The following GMDS variants were observed in gnomAD, a reference collection of about 807,000 sequenced individuals.
The protein encoded by GMDS is GDP-mannose 4,6-dehydratase, also known as GDP-mannose 4,6 dehydratase.
Under a neutral mutation model 49.9 loss-of-function variants are expected in GMDS, and 20 were observed. That is an observed-to-expected ratio of 0.40 (90% CI 0.28 to 0.58). The LOEUF (loss-of-function observed/expected upper bound fraction) is 0.58, where lower values mean the gene tolerates loss of function less well. GMDS is among the 20% of genes least tolerant of loss of function. The probability of loss-of-function intolerance (pLI) is 0.42; values close to 1 mark genes in which losing one functional copy is unlikely to be tolerated. For synonymous variants in GMDS, 177 were observed against 178.6 expected (o/e 0.99, Z 0.07); for missense variants, 362 against 481.4 (o/e 0.75, Z 2.32).
intron 1 of GMDS, among the ~76,000 whole-genome samples, chr6:2,213,141 A>G (rs548827238): frequency 1.2e-3 from 188 of 152,348 alleles, no homozygotes; most frequent in Non-Finnish European, 2.1e-3. Flanking sequence ...TAGAAATCAT[A>G]AAACTGTAAT....
chr6:1,897,893 A>G (rs924576357), intron 7 of GMDS, among the ~76,000 whole-genome samples: 2 of 152,158 alleles, frequency 1.3e-5, no homozygotes, highest in Admixed American at 1.3e-4. Flanking sequence ...TTATCTAATG[A>G]GTCCCACAGG....
At chr6:1,809,140 C>A (rs896611676) in intron 7 of GMDS, among the ~76,000 whole-genome samples, 1 of 152,124 alleles carries the variant, frequency 6.6e-6, no homozygotes, top group Non-Finnish European at 1.5e-5. Flanking sequence ...GTTTTTTCAA[C>A]ATAAATTCAT....
At chr6:1,749,952 C>T (rs1056283742) in intron 7 of GMDS, among the ~76,000 whole-genome samples, 2 of 152,178 alleles carry the variant, frequency 1.3e-5, no homozygotes, top group African/African-American at 4.8e-5. Context: ...CAGCTTCAGC[C>T]TTCCAAGTAG....
intron 9 of GMDS, among the ~76,000 whole-genome samples, chr6:1,692,261 G>A (rs950126033): frequency 1.1e-4 from 16 of 152,308 alleles, no homozygotes; most frequent in African/African-American, 2.2e-4. Context: ...TTTGGGACTC[G>A]GACTGGCTTC....
chr6:1,999,633 A>G (rs1021178774), intron 4 of GMDS, among the ~76,000 whole-genome samples: 10 of 151,438 alleles, frequency 6.6e-5, no homozygotes. Context: ...TAAAAAAATT[A>G]GATCCATTAG....
intron 7 of GMDS, among the ~76,000 whole-genome samples, chr6:1,917,306 T>C (rs1343665508): frequency 2.6e-5 from 4 of 152,178 alleles, no homozygotes; most frequent in South Asian, 2.1e-4. Flanking sequence ...GTCACTGCAC[T>C]GAGGAGTTGG....
At chr6:1,649,111 T>C (rs1040025548) in intron 9 of GMDS, among the ~76,000 whole-genome samples, 2 of 152,234 alleles carry the variant, frequency 1.3e-5, no homozygotes, top group African/African-American at 4.8e-5. Flanking sequence ...TGCAAATCAC[T>C]TGCCAGTAAG....
At chr6:2,204,836 C>A (rs566268302) in intron 1 of GMDS, among the ~76,000 whole-genome samples, 1 of 152,174 alleles carries the variant, frequency 6.6e-6, no homozygotes, top group African/African-American at 2.4e-5. Context: ...TTTAGCTCCA[C>A]AACTTGACCA....
At chr6:2,170,570 T>G (rs116939721) in intron 1 of GMDS, among the ~76,000 whole-genome samples, 1 of 151,214 alleles carries the variant, frequency 6.6e-6, no homozygotes, top group Non-Finnish European at 1.5e-5. Flanking sequence ...AAGGTTGCAG[T>G]GGGCTATGAC....
At chr6:1,744,017 T>C (rs947709258) in intron 7 of GMDS, among the ~76,000 whole-genome samples, 11 of 152,352 alleles carry the variant, frequency 7.2e-5, no homozygotes, top group African/African-American at 2.6e-4. Context: ...TGTTCCTTGA[T>C]AAGCCAAAAA....
chr6:1,946,985 C>T (rs1218290421), intron 6 of GMDS, among the ~76,000 whole-genome samples: 1 of 152,186 alleles, frequency 6.6e-6, no homozygotes, highest in Non-Finnish European at 1.5e-5. Flanking sequence ...TGGTGTCTAG[C>T]GAGTTCTGCA....
intron 9 of GMDS, among the ~76,000 whole-genome samples, chr6:1,656,557 T>C (rs1763886598): frequency 6.6e-6 from 1 of 151,642 alleles, no homozygotes; most frequent in Non-Finnish European, 1.5e-5. Flanking sequence ...AGGTCAGGAG[T>C]TCGAGACCAG....
intron 1 of GMDS, among the ~76,000 whole-genome samples, chr6:2,134,540 C>G (rs1473945893): frequency 6.6e-6 from 1 of 152,124 alleles, no homozygotes; most frequent in Non-Finnish European, 1.5e-5. Context: ...ATGCTAAGGC[C>G]GAAGTGAGTC....
intron 1 of GMDS, among the ~76,000 whole-genome samples, chr6:2,194,652 G>A (rs1435466627): frequency 2.6e-5 from 4 of 152,096 alleles, no homozygotes; most frequent in Non-Finnish European, 4.4e-5. Flanking sequence ...AGTGCTACAC[G>A]CACACACTTT....
chr6:1,717,757 GATA>G (rs1247682005), intron 9 of GMDS: 1 of 152,184 alleles, frequency 6.6e-6, no homozygotes, highest in Non-Finnish European at 1.5e-5. Flanking sequence ...AAGAGTATAT[GATA>G]ATGATAATTA....
intron 9 of GMDS, among the ~76,000 whole-genome samples, chr6:1,657,192 T>A (rs1351234626): frequency 6.6e-6 from 1 of 152,222 alleles, no homozygotes; most frequent in African/African-American, 2.4e-5. Flanking sequence ...CTGACAAGCA[T>A]GAAGTCCCTG....
chr6:2,092,929 AG>A (rs1773404118), intron 4 of GMDS, among the ~76,000 whole-genome samples: 1 of 152,212 alleles, frequency 6.6e-6, no homozygotes, highest in South Asian at 2.1e-4. Context: ...AGATAATAGG[AG>A]GTTGTCAAGA....
At chr6:2,173,409 A>T (rs961536961) in intron 1 of GMDS, among the ~76,000 whole-genome samples, 1 of 152,250 alleles carries the variant, frequency 6.6e-6, no homozygotes, top group Non-Finnish European at 1.5e-5. Flanking sequence ...ATGATTTGAT[A>T]ACTTTAACTA....
At chr6:1,894,745 C>G (rs926862624) in intron 7 of GMDS, among the ~76,000 whole-genome samples, 105 of 152,194 alleles carry the variant, frequency 6.9e-4, no homozygotes, top group African/African-American at 2.5e-3. Context: ...TTAAAAAATT[C>G]TGTTTTATAC....
Sources: gnomAD v4.1 joint callset for allele counts (sites outside exome capture counted in the v4.1 genomes callset) on GRCh38, gnomAD v4.1.1 for gene constraint, MANE v1.5 for transcripts, NCBI Gene and HGNC (gene_info 2026-07-23, HGNC 2026-07-21) for gene names.